PCLO: variants seen among roughly 807,000 people sequenced by gnomAD.
PCLO encodes protein piccolo.
Under a neutral mutation model 427.5 loss-of-function variants are expected in PCLO, and 82 were observed. That is an observed-to-expected ratio of 0.19 (90% CI 0.16 to 0.23). The LOEUF (loss-of-function observed/expected upper bound fraction) is 0.23, where lower values mean the gene tolerates loss of function less well. Ranked by LOEUF, PCLO falls within the 10% of genes least tolerant of loss-of-function variation. The pLI, the probability that PCLO is intolerant of heterozygous loss-of-function variation, is 1.00. For missense variants in PCLO, 6,239 were observed against 6,115.9 expected (o/e 1.02, Z -0.67); for synonymous variants, 2,357 against 2,155.4 (o/e 1.09, Z -2.59).
chr7:83,139,610 AGTCACT>A (rs1477795968), intron 2 of PCLO, among the ~76,000 whole-genome samples: 1 of 152,212 alleles, frequency 6.6e-6, no homozygotes, highest in Non-Finnish European at 1.5e-5. Context: ...GGAAAATAGG[AGTCACT>A]GTCCCTTCAC....
rs749443578 is a variant in PCLO, at chr7:83,155,447, T to G, written c.1194A>C (p.Gly398=). 6.2e-7 allele frequency: 1 copy of G among 1,613,762 alleles called. No homozygotes were observed. The highest frequency in any genetic ancestry group is 2.2e-5 in the East Asian group (1 of 44,862). ...PKALAQPPGV[G]KTPAQQPGPA... ...GCCCTGGCTGTTGAGCTGGAGTCTT[T>G]CCAACTCCAGGAGGCTGAGCTAAAG... The change falls in exon 2 of 25, where the codon GGA becomes GGC. Residue 398 remains glycine (G), a synonymous_variant. Coordinates refer to ENST00000333891, the MANE Select transcript of PCLO (RefSeq NM_033026.6).
Position 82,955,767 on chromosome 7 carries a change from G to A in PCLO, c.5186C>T (p.Thr1729Ile). ...AAGTGATGATACTGATGTAGGGGAT[G>A]TACCAGGAGTGAAGCTGGAAGCATG... ...SLHASSFTPG[T>I]SPTSVSSLDE... is the part of the protein sequence containing the mutation. The change falls in exon 5 of 25, where the codon ACA (threonine) becomes ATA (isoleucine). Residue 1729 changes from threonine (T) to isoleucine (I), a missense_variant. By Grantham distance (89) the Thr-to-Ile change is moderately conservative (BLOSUM62 -1). This residue lies in a region of PCLO where 4,677 missense variants were observed against 4,468.4 expected (regional missense o/e 1.05). Coordinates refer to ENST00000333891, the MANE Select transcript of PCLO (RefSeq NM_033026.6). The A allele has an allele frequency of 6.2e-7, 1 of 1,613,950 alleles. No homozygotes were observed. The highest frequency in any genetic ancestry group is 8.5e-7 in the Non-Finnish European group (1 of 1,179,862).
intron 3 of PCLO, among the ~76,000 whole-genome samples, chr7:83,117,306 C>T (rs945107902): frequency 2.6e-5 from 4 of 152,162 alleles, no homozygotes; most frequent in African/African-American, 7.2e-5. Context: ...GCCAAACGGG[C>T]AGCTTCCAGC....
rs757720253 is a variant in PCLO at position 83,075,024 on chromosome 7, T to C, written c.3300+59226A>G. Among the ~76,000 whole-genome samples, 23 of 152,076 alleles carry C rather than the reference T, an allele frequency of 1.5e-4. 1 individual carries two copies. The highest frequency in any genetic ancestry group is 4.1e-4 in the South Asian group (2 of 4,832). The stretch of plus-strand genomic sequence containing the variant: ...AGGATAAAATCAATCCAATAAACAG[T>C]TGAATAAAGTACATCTGAAACTACT... On this transcript the variant is annotated intron_variant, in intron 3 of 24. Transcript: ENST00000333891.
At chr7:82,785,424 G>C (rs1280768172) in intron 22 of PCLO, among the ~76,000 whole-genome samples, 1 of 152,070 alleles carries the variant, frequency 6.6e-6, no homozygotes, top group East Asian at 1.9e-4. Flanking sequence ...GACCAATACA[G>C]GTCTGTGGTC....
At chr7:82,958,563 T>C (rs1008098117) in intron 4 of PCLO, among the ~76,000 whole-genome samples, 3 of 152,206 alleles carry the variant, frequency 2.0e-5, no homozygotes, top group East Asian at 1.9e-4. Context: ...ATTTACAATG[T>C]TACTCAATTA....
At position 82,950,763 on chromosome 7, in the gene PCLO, C is replaced by T; in HGVS notation, c.9825G>A (p.Arg3275=). 1.2e-6 allele frequency: 2 copies of T among 1,613,750 alleles called. No individual in the cohort carries two copies. The highest frequency in any genetic ancestry group is 2.2e-5 in the East Asian group (1 of 44,834). ...QHLLFQQEEE[R]QAQFMMRQET... ...CCTGCCTCATCATGAACTGGGCTTG[C>T]CGCTCTTCTTCTTGCTGAAAGAGAA... The change falls in exon 6 of 25, where the codon CGG becomes CGA. Residue 3275 remains arginine, a synonymous_variant. Transcript: ENST00000333891.
chr7:82,853,195 ATTATTT>A (rs2115858325), intron 10 of PCLO, among the ~76,000 whole-genome samples: 1 of 152,224 alleles, frequency 6.6e-6, no homozygotes, highest in East Asian at 1.9e-4. Context: ...TATTATTGCT[ATTATTT>A]TTATTTTTTG....
chr7:83,134,416 A>G lies in PCLO; in HGVS notation c.3134T>C (p.Leu1045Pro). 6.2e-7 allele frequency: 1 copy of G among 1,613,848 alleles called. No homozygotes were observed. Among genetic ancestry groups the G allele is most frequent in the South Asian group, 1.1e-5 (1 of 91,070 alleles). ...SLTAEPQKAV[L>P]PTKLEKSPKP... ...GGGCGATTTCTCCAGTTTTGTGGGA[A>G]GGACAGCCTTTTGAGGCTCAGCTGT... Residue 1045 changes from leucine to proline, a missense_variant, in exon 3 of 25, where the codon CTT (leucine) becomes CCT (proline). By Grantham distance (98) the Leu-to-Pro change is moderately conservative. Coordinates refer to ENST00000333891, the MANE Select transcript of PCLO (RefSeq NM_033026.6).
intron 22 of PCLO, among the ~76,000 whole-genome samples, chr7:82,780,327 T>A (rs140771513): frequency 1.6e-3 from 245 of 152,338 alleles, no homozygotes; most frequent in Admixed American, 3.9e-3. Flanking sequence ...TAGTAATCTA[T>A]CTTAAACGAA....
chr7:82,780,119 T>C (rs1487473441), intron 22 of PCLO, among the ~76,000 whole-genome samples: 1 of 152,208 alleles, frequency 6.6e-6, no homozygotes, highest in East Asian at 1.9e-4. Flanking sequence ...ACCACATTTA[T>C]AACTCCAGAG....
At chr7:83,153,751 C>T (rs1490639006) in intron 2 of PCLO, among the ~76,000 whole-genome samples, 2 of 152,144 alleles carry the variant, frequency 1.3e-5, no homozygotes, top group Non-Finnish European at 2.9e-5. Context: ...TGATCATTAC[C>T]TACTAAATGT....
intron 16 of PCLO, among the ~76,000 whole-genome samples, chr7:82,833,532 G>T (rs1169715931): frequency 6.6e-6 from 1 of 152,020 alleles, no homozygotes; most frequent in African/African-American, 2.4e-5. Flanking sequence ...AGGAGACAAG[G>T]AAACCAAATC....
At chr7:82,948,810 G>A (rs1315561035) in intron 6 of PCLO, among the ~76,000 whole-genome samples, 1 of 152,038 alleles carries the variant, frequency 6.6e-6, no homozygotes, top group Non-Finnish European at 1.5e-5. Flanking sequence ...GCTTCTGTGA[G>A]CACTAGGATT....
chr7:82,971,358 T>C (rs981668380), intron 3 of PCLO, among the ~76,000 whole-genome samples: 2 of 151,490 alleles, frequency 1.3e-5, no homozygotes, highest in South Asian at 4.1e-4. Context: ...AGTTTTATCT[T>C]TGAAATATCT....
chr7:83,130,130 TTTGTTGTTG>T lies in PCLO; in HGVS notation c.3300+4111_3300+4119del, dbSNP rs57722657. On this transcript the variant is annotated intron_variant, in intron 3 of 24. Transcript: ENST00000333891. ...AATTAATGTAGATGTCCATTATGTTTTTGTTGTTGTTGTTGTTGTTGTTGTTGTTGTTAT... is the reference window on the plus strand; with the variant it reads ...AATTAATGTAGATGTCCATTATGTTTTTGTTGTTGTTGTTGTTGTTGTTAT... Among the ~76,000 whole-genome samples the T allele has an allele frequency of 4.6e-4, 70 of 151,326 alleles. 1 individual carries two copies. Among genetic ancestry groups the T allele is most frequent in the Non-Finnish European group, 5.6e-4 (38 of 67,758 alleles).
chr7:83,086,707 TTGAA>T (rs1790242643), intron 3 of PCLO, among the ~76,000 whole-genome samples: 1 of 152,094 alleles, frequency 6.6e-6, no homozygotes, highest in African/African-American at 2.4e-5. Flanking sequence ...AATCCTTTGA[TTGAA>T]TAATTCTGAA....
At position 82,943,492 on chromosome 7, in the gene PCLO, T is replaced by A. The variant is rs925251251; in HGVS notation, c.11112+5984A>T. 3.3e-5 allele frequency among the ~76,000 whole-genome samples: 5 copies of A among 152,306 alleles called. No individual in the cohort carries two copies. In the South Asian group the frequency reaches 1.0e-3, roughly 32 times the overall value. Reference sequence around the variant, plus strand: ...ATAGAAAAATCACTAAGAAAACTCTTATACTTTAAGATACATAAATCTTGA... The same window carrying A: ...ATAGAAAAATCACTAAGAAAACTCTAATACTTTAAGATACATAAATCTTGA... On this transcript the variant is annotated intron_variant, in intron 6 of 24. Coordinates refer to ENST00000333891, the MANE Select transcript of PCLO (RefSeq NM_033026.6).
In PCLO at chr7:83,024,445, G is replaced by A. The variant is rs957942592; in HGVS notation, c.3301-57958C>T. ...CAAGATTATATCCCGCACGTGGCTC[G>A]GAGGGTCCTACGCCCACGGAGTCTC... On this transcript the variant is annotated intron_variant, in intron 3 of 24. Transcript: ENST00000333891. Among the ~76,000 whole-genome samples the A allele has an allele frequency of 5.3e-5, 8 of 152,186 alleles. No homozygotes were observed. The East Asian group carries it at 5.8e-4, about 11-fold the overall frequency.
Sources: allele counts gnomAD v4.1 joint callset (sites outside exome capture counted in the v4.1 genomes callset), GRCh38; gene constraint gnomAD v4.1.1; regional missense constraint gnomAD v4.1.1; transcripts MANE v1.5; gene names NCBI Gene and HGNC (gene_info 2026-07-23, HGNC 2026-07-21).